Variants in CNST observed in about 807,000 individuals in gnomAD.
CNST encodes consortin.
CNST carries 39 observed loss-of-function variants against 72.4 expected under a neutral mutation model. The observed-to-expected ratio is 0.54, with a 90% CI of 0.42 to 0.70. The LOEUF is 0.70. Among genes scored for constraint, CNST ranks in the 30% least tolerant of loss-of-function variants. The pLI is 0.00. For synonymous variants in CNST, 332 were observed against 320.1 expected, an observed-to-expected ratio of 1.04 and a Z score of -0.40; for missense variants, 871 against 868.5, an observed-to-expected ratio of 1.00 and a Z score of -0.04.
rs771341086 is a variant in CNST, at chr1:246,647,675, A to G, written c.1474A>G (p.Ser492Gly). Residue 492 changes from serine (S) to glycine (G), a missense_variant, in exon 9 of 11, where the codon AGT becomes GGT. Ser to Gly is a moderately conservative substitution (Grantham distance 56, BLOSUM62 0). Transcript: ENST00000366513. ...GCTGCAGCAGCCTGATCTTACAGAC[A>G]GTGATGGAAAATCACCACAGGCGCA... Reference protein sequence around the residue: ...NELQQPDLTDSDGKSPQAQAD... With the variant: ...NELQQPDLTDGDGKSPQAQAD... The G allele has an allele frequency of 1.2e-6, 2 of 1,614,216 alleles. No individual in the cohort carries two copies. Among genetic ancestry groups the G allele is most frequent in the Non-Finnish European group, 1.7e-6 (2 of 1,180,040 alleles).
rs567245127 is a variant in CNST, at chr1:246,649,443, T to G, written c.1836+1406T>G. Among the ~76,000 whole-genome samples, 21 of 152,342 alleles carry G rather than the reference T, an allele frequency of 1.4e-4. No homozygotes were observed. The East Asian group carries it at 4.0e-3, about 29-fold the overall frequency. On this transcript the variant is annotated intron_variant, in intron 9 of 10. Coordinates refer to ENST00000366513, the MANE Select transcript of CNST (RefSeq NM_152609.3). ...TATTCATTCTCTTGTACATTTTAAC[T>G]AAATCTCTGGTACAGGAAGTTAACA...
chr1:246,659,360 C>A (rs559054930), intron 9 of CNST, among the ~76,000 whole-genome samples: 1 of 152,224 alleles, frequency 6.6e-6, no homozygotes, highest in Non-Finnish European at 1.5e-5. Flanking sequence ...TTTGGGAGGC[C>A]AAGGCGGGCA....
At chr1:246,638,467 GTGT>G (rs905582797) in intron 6 of CNST, among the ~76,000 whole-genome samples, 4 of 152,166 alleles carry the variant, frequency 2.6e-5, no homozygotes, top group African/African-American at 9.7e-5. Context: ...TATGACAGGA[GTGT>G]TGTTTGCAAT....
intron 1 of CNST, among the ~76,000 whole-genome samples, chr1:246,585,906 T>C (rs1661149285): frequency 6.6e-6 from 1 of 151,700 alleles, no homozygotes. Flanking sequence ...ATAGTGAGAC[T>C]CTGTTTCTAC....
In CNST at chr1:246,660,392, G is replaced by C. The variant is rs374338357; in HGVS notation, c.1972+58G>C. 1.0e-4 allele frequency: 162 copies of C among 1,566,580 alleles called. 1 individual carries two copies. In the African/African-American group the frequency reaches 1.5e-3, roughly 15 times the overall value. On this transcript the variant is annotated intron_variant, in intron 10 of 10. Transcript: ENST00000366513. ...GATGCTCAGTGTTTGCTGAAAGGATGAGTTTGTGAATGATGTGACGTTTAC... is the reference window on the plus strand; with the variant it reads ...GATGCTCAGTGTTTGCTGAAAGGATCAGTTTGTGAATGATGTGACGTTTAC...
At chr1:246,658,520 A>G (rs915381304) in intron 9 of CNST, among the ~76,000 whole-genome samples, 8 of 152,246 alleles carry the variant, frequency 5.3e-5, no homozygotes, top group Admixed American at 4.6e-4. Context: ...TCAGGGAAGC[A>G]TAGTCAAAGA....
intron 2 of CNST, among the ~76,000 whole-genome samples, chr1:246,601,174 A>C (rs922056445): frequency 6.6e-6 from 1 of 152,030 alleles, no homozygotes; most frequent in Non-Finnish European, 1.5e-5. Context: ...GCGTGGTGGC[A>C]TACATCTGTA....
At chr1:246,605,647 T>C (rs1410843883) in intron 2 of CNST, among the ~76,000 whole-genome samples, 1 of 151,608 alleles carries the variant, frequency 6.6e-6, no homozygotes, top group African/African-American at 2.4e-5. Flanking sequence ...TCCTCGGTGG[T>C]GGGTGTCTTC....
At chr1:246,654,515 C>G (rs1666664067) in intron 9 of CNST, among the ~76,000 whole-genome samples, 1 of 152,206 alleles carries the variant, frequency 6.6e-6, no homozygotes, top group South Asian at 2.1e-4. Context: ...CATCACTCTT[C>G]CCAAAGTCCT....
At chr1:246,625,155 A>G (rs914239775) in intron 3 of CNST, among the ~76,000 whole-genome samples, 1 of 152,164 alleles carries the variant, frequency 6.6e-6, no homozygotes, top group African/African-American at 2.4e-5. Flanking sequence ...TTAATATACA[A>G]TCCATATTCA....
intron 1 of CNST, among the ~76,000 whole-genome samples, chr1:246,575,400 T>G (rs1036336589): frequency 2.0e-5 from 3 of 152,204 alleles, no homozygotes; most frequent in African/African-American, 7.2e-5. Context: ...AGAAATGAAG[T>G]ATCAGTATAT....
intron 8 of CNST, 44 bp from the exon 9 acceptor site, chr1:246,647,095 G>T (rs1189393528): frequency 6.5e-7 from 1 of 1,537,500 alleles, no homozygotes; most frequent in Non-Finnish European, 8.9e-7. Flanking sequence ...CCTATACAAA[G>T]TGTTGTTTTG....
At chr1:246,603,404 C>G (rs1311815305) in intron 2 of CNST, among the ~76,000 whole-genome samples, 1 of 152,172 alleles carries the variant, frequency 6.6e-6, no homozygotes, top group African/African-American at 2.4e-5. Context: ...ATCACGATCT[C>G]TACAAAGAGT....
At chr1:246,615,967 G>C (rs1394731988) in intron 2 of CNST, among the ~76,000 whole-genome samples, 1 of 152,052 alleles carries the variant, frequency 6.6e-6, no homozygotes, top group African/African-American at 2.4e-5. Context: ...AAGTTGACAG[G>C]TCTTAAATTA....
intron 1 of CNST, among the ~76,000 whole-genome samples, chr1:246,585,969 A>G (rs977976731): frequency 1.3e-5 from 2 of 151,554 alleles, no homozygotes; most frequent in South Asian, 4.2e-4. Flanking sequence ...AGTCCCAGCT[A>G]TTTGGGAGGC....
At chr1:246,608,975 T>C (rs576113505) in intron 2 of CNST, among the ~76,000 whole-genome samples, 1 of 152,326 alleles carries the variant, frequency 6.6e-6, no homozygotes, top group South Asian at 2.1e-4. Context: ...GCGAGTCAGG[T>C]TGCTTACTTT....
At chr1:246,633,067 C>G (rs1664877412) in intron 4 of CNST, among the ~76,000 whole-genome samples, 1 of 152,164 alleles carries the variant, frequency 6.6e-6, no homozygotes, top group African/African-American at 2.4e-5. Context: ...GCATTAAAAC[C>G]TTCTTTTAGT....
Position 246,647,730 on chromosome 1 carries a change from T to A in CNST, c.1529T>A (p.Leu510His). Residue 510 changes from leucine (L) to histidine (H), a missense_variant, in exon 9 of 11, where the codon CTC becomes CAC. Leu to His is a moderately conservative substitution (Grantham distance 99). Coordinates refer to ENST00000366513, the MANE Select transcript of CNST (RefSeq NM_152609.3). ...QADSDGSENV[L>H]CGNNQISDLG... ...GACTCAGACGGTTCTGAGAATGTGC[T>A]CTGTGGAAATAATCAAATATCTGAC... 1.9e-6 allele frequency: 3 copies of A among 1,614,154 alleles called. No homozygotes were observed. The highest frequency in any genetic ancestry group is 2.5e-6 in the Non-Finnish European group (3 of 1,180,018).
At chr1:246,592,403 G>T (rs993089639) in intron 2 of CNST, among the ~76,000 whole-genome samples, 8 of 152,156 alleles carry the variant, frequency 5.3e-5, no homozygotes, top group African/African-American at 1.9e-4. Context: ...CAGGAGAATC[G>T]CTTGAACCTG....
Sources: gnomAD v4.1 joint callset for allele counts (sites outside exome capture counted in the v4.1 genomes callset) on GRCh38, gnomAD v4.1.1 for gene constraint, MANE v1.5 for transcripts, NCBI Gene and HGNC (gene_info 2026-07-23, HGNC 2026-07-21) for gene names.